GJC1: variants seen among roughly 807,000 people sequenced by gnomAD.
GJC1 encodes gap junction protein gamma 1, also known as gap junction gamma-1 protein.
A neutral mutation model predicts 29.3 loss-of-function variants in GJC1; 5 were observed. That is an observed-to-expected ratio of 0.17 (90% CI 0.09 to 0.36). GJC1 has a LOEUF of 0.36. Ranked by LOEUF, GJC1 falls within the 10% of genes least tolerant of loss-of-function variation. GJC1 has a pLI of 1.00. For synonymous variants in GJC1, 177 were observed against 183.3 expected (o/e 0.97, Z 0.28); for missense variants, 310 against 496.2 (o/e 0.62, Z 3.56).
chr17:44,799,049 A>G lies in GJC1; in HGVS notation c.*5578T>C, dbSNP rs1417253335. ...CATACCTAATTTTTATATTTTTAGT[A>G]GAGACAGTTTTGCCATGTTGGCCAG... On this transcript the variant is annotated 3_prime_UTR_variant, in exon 3 of 3. Transcript: ENST00000592524. 6.6e-6 allele frequency: 1 copy of G among 152,282 alleles called. No homozygotes were observed. The highest frequency in any genetic ancestry group is 1.5e-5 in the Non-Finnish European group (1 of 68,120). 9.4% of individuals were successfully genotyped at this position (152,282 alleles called of 1,614,324 possible).
At chr17:44,818,777 A>G (rs1047713566) in intron 1 of GJC1, among the ~76,000 whole-genome samples, 1 of 151,962 alleles carries the variant, frequency 6.6e-6, no homozygotes. Context: ...CCTGGGCAAG[A>G]GAGCAAAAGA....
At position 44,823,440 on chromosome 17, in the gene GJC1, C is replaced by T. The variant is rs530701722; in HGVS notation, c.-97+6622G>A. 3.3e-5 allele frequency among the ~76,000 whole-genome samples: 5 copies of T among 151,748 alleles called. No homozygotes were observed. The South Asian group carries it at 8.3e-4, about 25-fold the overall frequency. On this transcript the variant is annotated intron_variant, in intron 1 of 2. Coordinates refer to ENST00000592524, the MANE Select transcript of GJC1 (RefSeq NM_005497.4). ...CTAATTTTTGTATTTTTAGTAGAGA[C>T]GGGGTTTCACCATGTTGGCCAGGAT...
chr17:44,798,449 G>A lies in GJC1; in HGVS notation c.*6178C>T, dbSNP rs1475303700. 6.6e-6 allele frequency: 1 copy of A among 152,152 alleles called. No individual in the cohort carries two copies. The highest frequency in any genetic ancestry group is 1.5e-5 in the Non-Finnish European group (1 of 68,028). 9.4% of individuals were successfully genotyped at this position (152,152 alleles called of 1,614,324 possible). On this transcript the variant is annotated 3_prime_UTR_variant, in exon 3 of 3. Coordinates refer to ENST00000592524, the MANE Select transcript of GJC1 (RefSeq NM_005497.4). ...GAGAAAGGAAACACAAACCACAAAT[G>A]AATCTTCAAAACTGTATTTGGAATT...
intron 1 of GJC1, among the ~76,000 whole-genome samples, chr17:44,822,460 G>A (rs926110681): frequency 2.4e-4 from 36 of 151,156 alleles, no homozygotes; most frequent in African/African-American, 8.0e-4. Flanking sequence ...TGGCCAACAT[G>A]GTGAAACCCT....
intron 1 of GJC1, among the ~76,000 whole-genome samples, chr17:44,826,855 A>G (rs1475164340): frequency 6.6e-6 from 1 of 152,212 alleles, no homozygotes; most frequent in African/African-American, 2.4e-5. Context: ...TTATTTCAAC[A>G]CAAACTGAAC....
At chr17:44,811,796 G>A (rs1449260166) in intron 1 of GJC1, among the ~76,000 whole-genome samples, 1 of 151,996 alleles carries the variant, frequency 6.6e-6, no homozygotes, top group Non-Finnish European at 1.5e-5. Context: ...CTGAGGTCGG[G>A]AGTTCGAGAC....
chr17:44,827,606 T>C (rs2050190140), intron 1 of GJC1, among the ~76,000 whole-genome samples: 1 of 151,472 alleles, frequency 6.6e-6, no homozygotes, highest in South Asian at 2.1e-4. Context: ...CAGTGTACTA[T>C]GACAGCCTGG....
chr17:44,796,571 A>T (rs1448557236), downstream of GJC1, among the ~76,000 whole-genome samples: 1 of 152,146 alleles, frequency 6.6e-6, no homozygotes, highest in African/African-American at 2.4e-5. Context: ...TACTTCAAAC[A>T]ATTTTTTAAA....
chr17:44,808,271 A>G (rs1434331676), intron 1 of GJC1, among the ~76,000 whole-genome samples: 3 of 152,216 alleles, frequency 2.0e-5, no homozygotes, highest in Admixed American at 6.5e-5. Flanking sequence ...AATGGAAAAA[A>G]AAAAAGTGAA....
rs1290016459 is a variant in GJC1, at chr17:44,802,003, T to C, written c.*2624A>G. 6.6e-6 allele frequency: 1 copy of C among 152,200 alleles called. No homozygotes were observed. Among genetic ancestry groups the C allele is most frequent in the Non-Finnish European group, 1.5e-5 (1 of 68,048 alleles). 9.4% of individuals were successfully genotyped at this position (152,200 alleles called of 1,614,324 possible). ...AGAAAGACATGTACTAAGAAGGCAGTTAGAGCTGGAAAATTCTTGACATAA... is the reference window on the plus strand; with the variant it reads ...AGAAAGACATGTACTAAGAAGGCAGCTAGAGCTGGAAAATTCTTGACATAA... On this transcript the variant is annotated 3_prime_UTR_variant, in exon 3 of 3. Transcript: ENST00000592524.
Position 44,805,130 on chromosome 17 carries a change from T to C in GJC1, c.688A>G (p.Ile230Val), listed in dbSNP as rs1238441415. 6.2e-7 allele frequency: 1 copy of C among 1,614,150 alleles called. No individual in the cohort carries two copies. The highest frequency in any genetic ancestry group is 2.2e-5 in the East Asian group (1 of 44,878). Residue 230 changes from isoleucine to valine, a missense_variant, in exon 3 of 3, where the codon ATC becomes GTC. Ile to Val is a conservative substitution (Grantham distance 29). This residue lies in a region of GJC1 where 45 missense variants were observed against 126.2 expected (regional missense o/e 0.36). Coordinates refer to ENST00000592524, the MANE Select transcript of GJC1 (RefSeq NM_005497.4). The surrounding 1 kb of genome is among the most constrained non-coding windows in gnomAD (Gnocchi z 5.1). ...ACACCATACATTATCAGAAGGAAGA[T>C]GGTCTTTTCAGTGGGTCTAGAAATA... is the stretch of plus-strand genomic sequence containing the variant. The part of the protein sequence containing the change: ...CFISRPTEKT[I>V]FLLIMYGVTG...
In GJC1 at chr17:44,805,067, G is replaced by A. The variant is rs2049897128; in HGVS notation, c.751C>T (p.Leu251Phe). 4 of 1,614,016 alleles carry A rather than the reference G, an allele frequency of 2.5e-6. No homozygotes were observed. Among genetic ancestry groups the A allele is most frequent in the Non-Finnish European group, 3.4e-6 (4 of 1,180,020 alleles). ...LCLLLNIWEM[L>F]HLGFGTIRDS... ...CGAATGGTCCCAAACCCTAAATGAA[G>A]CATCTCCCAAATGTTAAGCAAGAGG... Residue 251 changes from leucine (L) to phenylalanine (F), a missense_variant, in exon 3 of 3, where the codon CTT (leucine) becomes TTT (phenylalanine). Leu to Phe is a conservative substitution (Grantham distance 22). This residue lies in a region of GJC1 where 45 missense variants were observed against 126.2 expected (regional missense o/e 0.36). Transcript: ENST00000592524. The surrounding 1 kb of genome is among the most constrained non-coding windows in gnomAD (Gnocchi z 5.1).
intron 1 of GJC1, among the ~76,000 whole-genome samples, chr17:44,812,111 G>C (rs1238305568): frequency 6.6e-6 from 1 of 152,006 alleles, no homozygotes; most frequent in Non-Finnish European, 1.5e-5. Context: ...TCAGGAGATT[G>C]AGACCATCCT....
chr17:44,812,052 T>C (rs1207488331), intron 1 of GJC1, among the ~76,000 whole-genome samples: 2 of 150,626 alleles, frequency 1.3e-5, no homozygotes, highest in African/African-American at 4.9e-5. Flanking sequence ...CAGTGGCTCA[T>C]GCCTGTAATG....
chr17:44,821,573 T>G (rs1037702756), intron 1 of GJC1, among the ~76,000 whole-genome samples: 3 of 151,670 alleles, frequency 2.0e-5, no homozygotes, highest in African/African-American at 7.3e-5. Flanking sequence ...GGCACACGCC[T>G]GTAATCTCAG....
chr17:44,821,426 G>A (rs1246446871), intron 1 of GJC1, among the ~76,000 whole-genome samples: 4 of 152,016 alleles, frequency 2.6e-5, no homozygotes, highest in Admixed American at 6.6e-5. Flanking sequence ...GGCTGGGTGC[G>A]GTGGCTCATG....
chr17:44,807,510 C>G (rs1346714942), intron 1 of GJC1, 41 bp from the exon 2 acceptor site: 5 of 152,096 alleles, frequency 3.3e-5, no homozygotes, highest in African/African-American at 1.2e-4. Flanking sequence ...AAGCTTTCTC[C>G]CACAGAAAAC....
intron 1 of GJC1, among the ~76,000 whole-genome samples, chr17:44,818,714 C>T (rs1164464253): frequency 2.6e-5 from 4 of 151,808 alleles, no homozygotes; most frequent in African/African-American, 4.8e-5. Context: ...AGAATTGCTT[C>T]AACCCGGAAG....
chr17:44,807,719 G>T (rs980008899), intron 1 of GJC1: 11 of 152,168 alleles, frequency 7.2e-5, no homozygotes, highest in African/African-American at 2.7e-4. Flanking sequence ...ACAGGAAGAT[G>T]CGTCAGTAGT....
Sources: gnomAD v4.1 joint callset for allele counts (sites outside exome capture counted in the v4.1 genomes callset) on GRCh38, gnomAD v4.1.1 for gene constraint, gnomAD v4.1.1 regional missense constraint, Gnocchi (gnomAD v3.1) non-coding constraint, MANE v1.5 for transcripts, NCBI Gene and HGNC (gene_info 2026-07-23, HGNC 2026-07-21) for gene names.